Variants in CDIN1 observed in about 807,000 individuals in gnomAD.
The protein encoded by CDIN1 is CDAN1-interacting nuclease 1.
CDIN1 carries 33 observed loss-of-function variants against 45.3 expected under a neutral mutation model. That is an observed-to-expected ratio of 0.73 (90% CI 0.55 to 0.97). CDIN1 has a LOEUF of 0.97. CDIN1 is among the 50% of genes least tolerant of loss of function. CDIN1 has a pLI of 0.00. For missense variants in CDIN1, 303 were observed against 339.4 expected, an observed-to-expected ratio of 0.89 and a Z score of 0.84; for synonymous variants, 118 against 124.4, an observed-to-expected ratio of 0.95 and a Z score of 0.34.
At chr15:36,718,566 C>T (rs1438123177) in intron 10 of CDIN1, among the ~76,000 whole-genome samples, 2 of 152,000 alleles carry the variant, frequency 1.3e-5, no homozygotes, top group African/African-American at 4.8e-5. Flanking sequence ...ACAAATTTCA[C>T]ATTTTTTGTA....
chr15:36,789,959 C>A (rs1385349417), intron 10 of CDIN1, among the ~76,000 whole-genome samples: 1 of 152,056 alleles, frequency 6.6e-6, no homozygotes, highest in African/African-American at 2.4e-5. Flanking sequence ...AATGCTTGGT[C>A]CATAAATAAG....
At chr15:36,790,221 A>C (rs2054610553) in intron 10 of CDIN1, 3 of 152,378 alleles carry the variant, frequency 2.0e-5, no homozygotes, top group South Asian at 4.1e-4. Context: ...CTTGCTTTTC[A>C]GCCTCAAGCA....
Position 36,808,985 on chromosome 15 carries a change from TG to T in CDIN1, c.*533del, listed in dbSNP as rs2055320609. The stretch of plus-strand genomic sequence containing the variant: ...AAGCCACAAAGTCCAAAGCCACCTT[TG>T]TACTCACCTGCAGAGCTCCAGAAGA... On this transcript the variant is annotated 3_prime_UTR_variant, in exon 11 of 11. Coordinates refer to ENST00000566621, the MANE Select transcript of CDIN1 (RefSeq NM_001321759.2). 1 of 455,842 alleles carries T rather than the reference TG, an allele frequency of 2.2e-6. No individual in the cohort carries two copies. Among genetic ancestry groups the T allele is most frequent in the Non-Finnish European group, 4.4e-6 (1 of 226,754 alleles). 28.2% of individuals were successfully genotyped at this position (455,842 alleles called of 1,614,324 possible).
intron 8 of CDIN1, among the ~76,000 whole-genome samples, chr15:36,702,711 G>A (rs1342126725): frequency 1.3e-5 from 2 of 152,136 alleles, no homozygotes; most frequent in Non-Finnish European, 2.9e-5. Flanking sequence ...CTTCTGCTGT[G>A]TCTCTTAATA....
intron 10 of CDIN1, 150 bp from the exon 11 acceptor site, chr15:36,808,174 G>A: frequency 2.1e-6 from 2 of 975,266 alleles, no homozygotes; most frequent in Non-Finnish European, 3.1e-6. Context: ...TTTGGTATAA[G>A]TTTGGCTATT....
chr15:36,696,814 T>G (rs899192391), intron 7 of CDIN1, among the ~76,000 whole-genome samples: 4 of 151,916 alleles, frequency 2.6e-5, no homozygotes, highest in Admixed American at 2.6e-4. Context: ...AAAATATATA[T>G]AAAAATTATA....
intron 10 of CDIN1, among the ~76,000 whole-genome samples, chr15:36,748,155 C>T (rs2044513533): frequency 6.6e-6 from 1 of 152,150 alleles, no homozygotes; most frequent in African/African-American, 2.4e-5. Flanking sequence ...AAAATGGGCA[C>T]AATTTGGATT....
intron 10 of CDIN1, 97 bp downstream of exon 10, chr15:36,710,058 C>G: frequency 1.2e-6 from 1 of 803,134 alleles, no homozygotes; most frequent in Non-Finnish European, 1.9e-6. Flanking sequence ...TGCTAGTAGC[C>G]GTTGTTTCTA....
intron 1 of CDIN1, chr15:36,617,770 A>G (rs2038965168): frequency 2.5e-6 from 2 of 813,226 alleles, no homozygotes. Context: ...CCAAAGTGAT[A>G]AGTTGTGAGT....
intron 1 of CDIN1, among the ~76,000 whole-genome samples, chr15:36,626,036 G>A (rs1274994518): frequency 6.6e-6 from 1 of 151,678 alleles, no homozygotes; most frequent in African/African-American, 2.4e-5. Flanking sequence ...TATGTATTTT[G>A]TATTGGGTAC....
chr15:36,685,223 G>A (rs1276926706), intron 5 of CDIN1, among the ~76,000 whole-genome samples: 29 of 151,090 alleles, frequency 1.9e-4, no homozygotes, highest in Non-Finnish European at 1.9e-4. Flanking sequence ...ATTTAGTGCT[G>A]TAAATTTCCC....
chr15:36,751,077 G>A (rs1388305385), intron 10 of CDIN1, among the ~76,000 whole-genome samples: 2 of 151,510 alleles, frequency 1.3e-5, no homozygotes, highest in Non-Finnish European at 2.9e-5. Flanking sequence ...CTGGGTAAGG[G>A]AAGCCCAGTC....
chr15:36,737,242 G>A (rs12900917), intron 10 of CDIN1, among the ~76,000 whole-genome samples: 76,835 of 151,598 alleles, frequency 0.51, 19,813 homozygotes, highest in East Asian at 0.66. Flanking sequence ...CAATACCTGG[G>A]TCGTTCCTAT....
chr15:36,696,212 T>G (rs1372906086), intron 7 of CDIN1, among the ~76,000 whole-genome samples: 1 of 152,224 alleles, frequency 6.6e-6, no homozygotes, highest in Non-Finnish European at 1.5e-5. Context: ...TATATTCATA[T>G]GTATATCTAT....
chr15:36,809,308 G>A lies in CDIN1; in HGVS notation c.*855G>A, dbSNP rs149229888. On this transcript the variant is annotated 3_prime_UTR_variant, in exon 11 of 11. Transcript: ENST00000566621. ...TGTACGTGAGCTAGTATTTTTATGA[G>A]TCGAGTTTTTTAAAGGCACATTCTG... is the stretch of plus-strand genomic sequence containing the variant. 96 of 186,398 alleles carry A rather than the reference G, an allele frequency of 5.2e-4. No individual in the cohort carries two copies. The highest frequency in any genetic ancestry group is 2.2e-3 in the African/African-American group (91 of 42,190). The allele number at this position is 186,398 out of a possible 1,614,324, so 11.5% of individuals were successfully genotyped here.
intron 1 of CDIN1, among the ~76,000 whole-genome samples, chr15:36,632,232 C>T (rs1033526210): frequency 2.6e-5 from 4 of 152,208 alleles, no homozygotes; most frequent in African/African-American, 9.7e-5. Context: ...TCCAATTTCT[C>T]TACATCTTTG....
At chr15:36,701,384 T>C (rs941148569) in intron 8 of CDIN1, among the ~76,000 whole-genome samples, 8 of 152,168 alleles carry the variant, frequency 5.3e-5, no homozygotes, top group Non-Finnish European at 8.8e-5. Flanking sequence ...AAGTGATTAA[T>C]GAGACCGTAT....
chr15:36,771,577 T>C (rs1264606151), intron 10 of CDIN1, among the ~76,000 whole-genome samples: 50 of 152,170 alleles, frequency 3.3e-4, no homozygotes. Flanking sequence ...AGCAGTGCCA[T>C]GGCCAGGTCT....
intron 5 of CDIN1, among the ~76,000 whole-genome samples, chr15:36,678,056 C>T (rs2041713805): frequency 6.6e-6 from 1 of 152,190 alleles, no homozygotes. Context: ...TAAGTTATTT[C>T]TTACATGATT....
Sources: allele counts gnomAD v4.1 joint callset (sites outside exome capture counted in the v4.1 genomes callset), GRCh38; gene constraint gnomAD v4.1.1; transcripts MANE v1.5; gene names NCBI Gene and HGNC (gene_info 2026-07-23, HGNC 2026-07-21).